WDR59: variants seen among roughly 807,000 people sequenced by gnomAD.
WDR59 encodes GATOR2 complex protein WDR59.
A neutral mutation model predicts 131.2 loss-of-function variants in WDR59; 100 were observed. The observed-to-expected ratio is 0.76, with a 90% CI of 0.65 to 0.90. WDR59 has a LOEUF of 0.90. Among genes scored for constraint, WDR59 ranks in the 40% least tolerant of loss-of-function variants. The pLI is 0.00. For missense variants in WDR59, 1,203 were observed against 1,262.2 expected, an observed-to-expected ratio of 0.95 and a Z score of 0.71; for synonymous variants, 601 against 466.2, an observed-to-expected ratio of 1.29 and a Z score of -3.72.
rs190932723 is a variant in WDR59, at chr16:74,930,347, T to C, written c.652-6344A>G. On this transcript the variant is annotated intron_variant, in intron 8 of 25. Coordinates refer to ENST00000262144, the MANE Select transcript of WDR59 (RefSeq NM_030581.4). ...CACCTACTAGCTACCCATAAATTTC[T>C]CTTTAAAAAATGGAAACAGTAAAAC... is the stretch of plus-strand genomic sequence containing the variant. Among the ~76,000 whole-genome samples, 53 of 152,188 alleles carry C rather than the reference T, an allele frequency of 3.5e-4. 1 individual carries two copies. The East Asian group carries it at 9.5e-3, about 27-fold the overall frequency.
intron 25 of WDR59, among the ~76,000 whole-genome samples, chr16:74,884,400 G>A (rs113321191): frequency 0.14 from 21,700 of 152,288 alleles, 1,712 homozygotes; most frequent in Middle Eastern, 0.21. Flanking sequence ...CCAGGCTGGA[G>A]TGCAGTGGCG....
At chr16:74,919,649 T>G (rs1034811922) in intron 10 of WDR59, among the ~76,000 whole-genome samples, 4 of 152,030 alleles carry the variant, frequency 2.6e-5, no homozygotes, top group Non-Finnish European at 4.4e-5. Context: ...GGCCTGGAAC[T>G]CCTTTCTTAA....
Position 74,874,346 on chromosome 16 carries a change from C to G in WDR59, c.2788G>C (p.Ala930Pro). Reference protein sequence around the residue: ...FTFQCAICHVAVRGSSNFCLT... With the variant: ...FTFQCAICHVPVRGSSNFCLT... Reference sequence around the variant, plus strand: ...CAGAAATTGGACGATCCCCGCACAGCCACGTGACAGATGGCACACTGGAAC... The same window carrying G: ...CAGAAATTGGACGATCCCCGCACAGGCACGTGACAGATGGCACACTGGAAC... Residue 930 changes from alanine (A) to proline (P), a missense_variant, in exon 26 of 26, where the codon GCT becomes CCT. Coordinates refer to ENST00000262144, the MANE Select transcript of WDR59 (RefSeq NM_030581.4). 6.2e-7 allele frequency: 1 copy of G among 1,614,162 alleles called. No homozygotes were observed. The highest frequency in any genetic ancestry group is 8.5e-7 in the Non-Finnish European group (1 of 1,180,040).
At chr16:74,916,537 G>A (rs1966395595) in intron 11 of WDR59, among the ~76,000 whole-genome samples, 1 of 152,162 alleles carries the variant, frequency 6.6e-6, no homozygotes, top group Non-Finnish European at 1.5e-5. Context: ...AAGCTTTGAT[G>A]GAGTTATTCA....
At chr16:74,966,877 C>G (rs938852033) in intron 1 of WDR59, among the ~76,000 whole-genome samples, 1 of 152,172 alleles carries the variant, frequency 6.6e-6, no homozygotes, top group Admixed American at 6.6e-5. Flanking sequence ...TGCAATGAGT[C>G]CAAAGAATGT....
intron 1 of WDR59, among the ~76,000 whole-genome samples, chr16:74,968,041 G>T (rs2033843712): frequency 6.6e-6 from 1 of 152,146 alleles, no homozygotes; most frequent in South Asian, 2.1e-4. Flanking sequence ...GAGTATCCCA[G>T]ATGCAAAAGG....
intron 8 of WDR59, among the ~76,000 whole-genome samples, chr16:74,927,319 T>G (rs191171533): frequency 3.3e-5 from 5 of 152,246 alleles, no homozygotes; most frequent in Admixed American, 3.3e-4. Flanking sequence ...CCAGGCACGG[T>G]GGCTCACACC....
chr16:74,889,164 G>C (rs1964920288), intron 21 of WDR59, among the ~76,000 whole-genome samples: 2 of 152,128 alleles, frequency 1.3e-5, no homozygotes, highest in South Asian at 4.1e-4. Flanking sequence ...CCAGGCCCTG[G>C]GCCTCCAAGT....
intron 1 of WDR59, among the ~76,000 whole-genome samples, chr16:74,974,305 C>T (rs2034100661): frequency 6.6e-6 from 1 of 152,176 alleles, no homozygotes; most frequent in Non-Finnish European, 1.5e-5. Context: ...ACACTCCTCA[C>T]CTGCAAAATG....
chr16:74,921,829 T>A, intron 10 of WDR59, 118 bp downstream of exon 10: 1 of 1,312,330 alleles, frequency 7.6e-7, no homozygotes, highest in Non-Finnish European at 1.0e-6. Flanking sequence ...CCTGGCTCTC[T>A]GGTTCCTAAA....
intron 1 of WDR59, among the ~76,000 whole-genome samples, chr16:74,973,687 T>G (rs1472931437): frequency 6.6e-6 from 1 of 152,224 alleles, no homozygotes; most frequent in Non-Finnish European, 1.5e-5. Flanking sequence ...TCAGGAAGTC[T>G]TCTCTTTTAA....
intron 17 of WDR59, among the ~76,000 whole-genome samples, chr16:74,907,653 C>T (rs370868630): frequency 1.3e-5 from 2 of 152,180 alleles, no homozygotes; most frequent in African/African-American, 4.8e-5. Flanking sequence ...CTGTATCCAG[C>T]GCCTTCAGGG....
Position 74,985,012 on chromosome 16 carries a change from C to G in WDR59, c.6G>C (p.Ala2=), listed in dbSNP as rs779585115. The change falls in exon 1 of 26, where the codon GCG becomes GCC. Residue 2 remains alanine (A), a synonymous_variant. Transcript: ENST00000262144. M[A]ARWSSENVVV... ...CCACGTTTTCGCTGCTCCATCGCGC[C>G]GCCATCTCCCCCGCCCGGCCGCCGC... The G allele has an allele frequency of 6.3e-7, 1 of 1,581,902 alleles. No individual in the cohort carries two copies. The highest frequency in any genetic ancestry group is 8.6e-7 in the Non-Finnish European group (1 of 1,163,804).
intron 17 of WDR59, among the ~76,000 whole-genome samples, chr16:74,904,863 T>C (rs1398343696): frequency 1.3e-5 from 2 of 152,208 alleles, no homozygotes; most frequent in Non-Finnish European, 2.9e-5. Flanking sequence ...ATATGGTCTA[T>C]TGATGTTCAC....
At chr16:74,969,174 C>A (rs1408981756) in intron 1 of WDR59, among the ~76,000 whole-genome samples, 1 of 152,196 alleles carries the variant, frequency 6.6e-6, no homozygotes, top group African/African-American at 2.4e-5. Context: ...AAGGTGCCTG[C>A]TGGGGATTAA....
At chr16:74,890,404 G>T (rs1486345163) in intron 20 of WDR59, among the ~76,000 whole-genome samples, 1 of 152,132 alleles carries the variant, frequency 6.6e-6, no homozygotes, top group Non-Finnish European at 1.5e-5. Flanking sequence ...ACCTGCCTCA[G>T]CCCCAAAAAG....
At chr16:74,964,680 T>C (rs2033694358) in intron 2 of WDR59, among the ~76,000 whole-genome samples, 1 of 152,016 alleles carries the variant, frequency 6.6e-6, no homozygotes, top group African/African-American at 2.4e-5. Flanking sequence ...ACTACATTAA[T>C]GAAAATACAG....
chr16:74,949,174 A>G (rs1421687842), intron 5 of WDR59, among the ~76,000 whole-genome samples: 2 of 151,702 alleles, frequency 1.3e-5, no homozygotes, highest in Admixed American at 1.3e-4. Flanking sequence ...AAAATAAAAA[A>G]ATAAAAATTA....
chr16:74,904,840 A>G (rs1965721620), intron 17 of WDR59, among the ~76,000 whole-genome samples: 1 of 152,224 alleles, frequency 6.6e-6, no homozygotes. Flanking sequence ...GAGAGTCCAG[A>G]AAGACCACAA....
Sources: allele counts gnomAD v4.1 joint callset (sites outside exome capture counted in the v4.1 genomes callset), GRCh38; gene constraint gnomAD v4.1.1; transcripts MANE v1.5; gene names NCBI Gene and HGNC (gene_info 2026-07-23, HGNC 2026-07-21).